Variants in APBA1 observed in about 807,000 individuals in gnomAD.
APBA1 encodes the protein amyloid beta precursor protein binding family A member 1, also known as amyloid-beta A4 precursor protein-binding family A member 1.
Under a neutral mutation model 86.6 loss-of-function variants are expected in APBA1, and 55 were observed. The ratio of observed to expected loss-of-function variants is 0.64; its 90% CI spans 0.51 to 0.80. The LOEUF is 0.80. APBA1 is among the 30% of genes least tolerant of loss of function. APBA1 has a pLI of 0.00. For missense variants in APBA1, 1,090 were observed against 1,183.0 expected (o/e 0.92, Z 1.15); for synonymous variants, 511 against 493.9 (o/e 1.03, Z -0.46).
At chr9:69,552,560 T>G (rs1318719066) in intron 1 of APBA1, among the ~76,000 whole-genome samples, 1 of 152,184 alleles carries the variant, frequency 6.6e-6, no homozygotes, top group Non-Finnish European at 1.5e-5. Context: ...TATCAATGCA[T>G]CCAAAGAGAG....
intron 1 of APBA1, among the ~76,000 whole-genome samples, chr9:69,591,332 A>C (rs1310979728): frequency 6.6e-6 from 1 of 152,346 alleles, no homozygotes; most frequent in Non-Finnish European, 1.5e-5. Context: ...ATAGTAGTTT[A>C]TACTTTCAAA....
intron 1 of APBA1, among the ~76,000 whole-genome samples, chr9:69,593,981 G>A (rs1009715032): frequency 1.3e-5 from 2 of 152,064 alleles, no homozygotes; most frequent in African/African-American, 4.8e-5. Context: ...TATTACATTT[G>A]CATAACAGCA....
intron 2 of APBA1, among the ~76,000 whole-genome samples, chr9:69,495,513 T>C (rs1372929023): frequency 1.3e-5 from 2 of 152,108 alleles, no homozygotes; most frequent in Admixed American, 6.5e-5. Flanking sequence ...ATCATGCAAC[T>C]GGTAACAGGA....
intron 10 of APBA1, among the ~76,000 whole-genome samples, chr9:69,442,527 G>A (rs1227501317): frequency 6.6e-6 from 1 of 152,184 alleles, no homozygotes; most frequent in Non-Finnish European, 1.5e-5. Context: ...ACCAGGGAAT[G>A]AGGAGGGACT....
At chr9:69,577,597 G>A (rs1001927028) in intron 1 of APBA1, among the ~76,000 whole-genome samples, 3 of 152,146 alleles carry the variant, frequency 2.0e-5, no homozygotes, top group Non-Finnish European at 4.4e-5. Context: ...TCAGCTGTGA[G>A]TGAAGAAACC....
intron 3 of APBA1, among the ~76,000 whole-genome samples, chr9:69,475,697 C>T (rs1403484983): frequency 6.6e-6 from 1 of 152,248 alleles, no homozygotes; most frequent in African/African-American, 2.4e-5. Flanking sequence ...AGGAAAGATG[C>T]TGTACGTCGA....
At chr9:69,467,157 A>G (rs1037664121) in intron 5 of APBA1, among the ~76,000 whole-genome samples, 5 of 152,216 alleles carry the variant, frequency 3.3e-5, no homozygotes, top group Admixed American at 1.3e-4. Flanking sequence ...GCATTTATTC[A>G]TGGGAATAAA....
chr9:69,482,920 G>A (rs1304788326), intron 2 of APBA1, among the ~76,000 whole-genome samples: 1 of 140,520 alleles, frequency 7.1e-6, no homozygotes, highest in East Asian at 2.1e-4. Flanking sequence ...ATTGAACAAT[G>A]AGATCGCATG....
intron 2 of APBA1, among the ~76,000 whole-genome samples, chr9:69,482,153 G>T (rs1379895866): frequency 6.6e-6 from 1 of 151,932 alleles, no homozygotes; most frequent in African/African-American, 2.4e-5. Flanking sequence ...CTTCTGCACA[G>T]CAAAAGAAAC....
Position 69,432,683 on chromosome 9 carries a change from G to C in APBA1, c.2302-7C>G. 6.4e-7 allele frequency: 1 copy of C among 1,565,572 alleles called. No homozygotes were observed. The highest frequency in any genetic ancestry group is 8.6e-7 in the Non-Finnish European group (1 of 1,159,820). On this transcript the variant is annotated splice_region_variant and splice_polypyrimidine_tract_variant and intron_variant, in intron 11 of 12. Coordinates refer to ENST00000265381, the MANE Select transcript of APBA1 (RefSeq NM_001163.4). ...CTCGCATGAGGCTGCAGATCTGCCA[G>C]AGTCAAAGGCAGAGTTACCCTCATT...
chr9:69,540,525 TC>T (rs1836588655), intron 1 of APBA1, among the ~76,000 whole-genome samples: 1 of 152,128 alleles, frequency 6.6e-6, no homozygotes, highest in South Asian at 2.1e-4. Flanking sequence ...AATAGAAACT[TC>T]CCATTGTCCC....
At chr9:69,510,861 C>A (rs1250982402) in intron 2 of APBA1, among the ~76,000 whole-genome samples, 2 of 146,062 alleles carry the variant, frequency 1.4e-5, no homozygotes, top group African/African-American at 5.2e-5. Context: ...GGAAAACTGG[C>A]TAGCCATATG....
chr9:69,500,003 T>C (rs1239139947), intron 2 of APBA1, among the ~76,000 whole-genome samples: 1 of 152,018 alleles, frequency 6.6e-6, no homozygotes, highest in Non-Finnish European at 1.5e-5. Context: ...CAATAAAAGG[T>C]AAATGTTATC....
intron 8 of APBA1, among the ~76,000 whole-genome samples, chr9:69,454,026 CTCTGTGAAAT>C (rs1239728907): frequency 6.6e-6 from 1 of 152,224 alleles, no homozygotes; most frequent in African/African-American, 2.4e-5. Context: ...TGGAAGGCTT[CTCTGTGAAAT>C]TCTGATGGGC....
chr9:69,634,346 C>T (rs1823112550), intron 1 of APBA1, among the ~76,000 whole-genome samples: 1 of 152,148 alleles, frequency 6.6e-6, no homozygotes, highest in East Asian at 1.9e-4. Context: ...TTTAGACCAG[C>T]CCTAGCCAGA....
chr9:69,434,131 G>T (rs1464545243), intron 11 of APBA1, among the ~76,000 whole-genome samples: 1 of 152,216 alleles, frequency 6.6e-6, no homozygotes, highest in Non-Finnish European at 1.5e-5. Flanking sequence ...TGTGACTGTG[G>T]GAACTGAGCC....
At position 69,516,833 on chromosome 9, in the gene APBA1, G is replaced by A. The variant is rs902072372; in HGVS notation, c.378C>T (p.Ala126=). The change falls in exon 2 of 13, where the codon GCC becomes GCT. Residue 126 remains alanine (A), a synonymous_variant. Transcript: ENST00000265381. The surrounding 1 kb of genome is among the most constrained non-coding windows in gnomAD (Gnocchi z 7.3). ...CCTCTGCCTGCTCCGTGTACTCCTC[G>A]GCCTCGGGCCGGTACTGCACAGCAT... ...SAYAVQYRPE[A]EEYTEQAEAE... The A allele has an allele frequency of 1.2e-6, 2 of 1,604,640 alleles. No individual in the cohort carries two copies. Among genetic ancestry groups the A allele is most frequent in the Non-Finnish European group, 1.7e-6 (2 of 1,179,120 alleles).
At chr9:69,672,618 C>T (rs1400223278), upstream of APBA1, 5 of 151,068 alleles carry the variant, frequency 3.3e-5, no homozygotes, top group African/African-American at 7.3e-5. Context: ...GCCCCTGCCC[C>T]GGCGCCGGTG....
chr9:69,559,752 T>C (rs1445162612), intron 1 of APBA1, among the ~76,000 whole-genome samples: 1 of 152,250 alleles, frequency 6.6e-6, no homozygotes, highest in Non-Finnish European at 1.5e-5. Context: ...TGGTTATTTA[T>C]TTTTCCCATT....
Sources: allele counts gnomAD v4.1 joint callset (sites outside exome capture counted in the v4.1 genomes callset), GRCh38; gene constraint gnomAD v4.1.1; non-coding constraint Gnocchi (gnomAD v3.1); transcripts MANE v1.5; gene names NCBI Gene and HGNC (gene_info 2026-07-23, HGNC 2026-07-21).